Variants in ASPM observed in about 807,000 individuals in gnomAD.
The protein encoded by ASPM is assembly factor for spindle microtubules.
ASPM carries 256 observed loss-of-function variants against 366.4 expected under a neutral mutation model. The ratio of observed to expected loss-of-function variants is 0.70; its 90% CI spans 0.63 to 0.77. The LOEUF (loss-of-function observed/expected upper bound fraction) is 0.77. Among genes scored for constraint, ASPM ranks in the 30% least tolerant of loss-of-function variants. ASPM has a pLI of 0.00. For synonymous variants in ASPM, 1,414 were observed against 1,342.9 expected (o/e 1.05, Z -1.16); for missense variants, 4,146 against 4,090.4 (o/e 1.01, Z -0.37).
At chr1:197,093,992 A>G in intron 20 of ASPM, 92 bp downstream of exon 20, 1 of 874,046 alleles carries the variant, frequency 1.1e-6, no homozygotes. Flanking sequence ...CCAGCGAAGG[A>G]TTTATTTTTA....
chr1:197,096,205 CTCTT>C lies in ASPM; in HGVS notation c.8821-45_8821-42del, dbSNP rs765820587. On this transcript the variant is annotated intron_variant, in intron 18 of 27. Transcript: ENST00000367409. ...ATATAACAAGTATGCAATGAGTTGTCTCTTTTTTTTTGTAAATAAGACAAATCAG... is the reference window on the plus strand; with the variant it reads ...ATATAACAAGTATGCAATGAGTTGTCTTTTTTTGTAAATAAGACAAATCAG... The C allele has an allele frequency of 5.3e-6, 8 of 1,509,150 alleles. 1 individual carries two copies. The South Asian group carries it at 7.9e-5, about 15-fold the overall frequency. 93.5% of individuals were successfully genotyped at this position (1,509,150 alleles called of 1,614,324 possible).
At chr1:197,131,155 T>C (rs530121292) in intron 7 of ASPM, among the ~76,000 whole-genome samples, 1 of 152,320 alleles carries the variant, frequency 6.6e-6, no homozygotes, top group African/African-American at 2.4e-5. Flanking sequence ...AGTAAGCTTA[T>C]TATTTATTCT....
At chr1:197,114,951 G>A (rs544742102) in intron 17 of ASPM, among the ~76,000 whole-genome samples, 4 of 152,100 alleles carry the variant, frequency 2.6e-5, no homozygotes, top group East Asian at 1.9e-4. Flanking sequence ...GTTTCTCCAC[G>A]TTGGCCAGAC....
At chr1:197,121,503 G>A (rs1657904817) in intron 16 of ASPM, among the ~76,000 whole-genome samples, 1 of 152,074 alleles carries the variant, frequency 6.6e-6, no homozygotes, top group Admixed American at 6.6e-5. Flanking sequence ...TTGATGCTCA[G>A]GCCCAGGCAG....
Position 197,101,743 on chromosome 1 carries a change from C to A in ASPM, c.7508G>T (p.Trp2503Leu), listed in dbSNP as rs748030105. ...MYRTYITFQT[W>L]KHASILIQQH... ...CTGAATTAGAATTGAAGCATGTTTC[C>A]AAGTCTGAAATGTAATATATGTTCT... The change falls in exon 18 of 28, where the codon TGG becomes TTG. Residue 2503 changes from tryptophan (W) to leucine (L), a missense_variant. Physicochemically the swap from Trp to Leu is moderately conservative, Grantham distance 61. This residue lies in a region of ASPM where 3,624 missense variants were observed against 3,591.7 expected (regional missense o/e 1.01). Coordinates refer to ENST00000367409, the MANE Select transcript of ASPM (RefSeq NM_018136.5). 6.2e-7 allele frequency: 1 copy of A among 1,612,016 alleles called. No individual in the cohort carries two copies. The highest frequency in any genetic ancestry group is 1.3e-5 in the African/African-American group (1 of 74,712).
intron 3 of ASPM, among the ~76,000 whole-genome samples, chr1:197,140,771 G>A (rs998135545): frequency 6.6e-6 from 1 of 152,148 alleles, no homozygotes; most frequent in African/African-American, 2.4e-5. Flanking sequence ...TTACAAAGCA[G>A]TTATTACAAT....
chr1:197,101,977 C>T lies in ASPM; in HGVS notation c.7274G>A (p.Arg2425Lys). The change falls in exon 18 of 28, where the codon AGA becomes AAA. Residue 2425 changes from arginine to lysine, a missense_variant. Physicochemically the swap from Arg to Lys is conservative, Grantham distance 26 (BLOSUM62 2). This residue lies in a region of ASPM where 3,624 missense variants were observed against 3,591.7 expected (regional missense o/e 1.01). Transcript: ENST00000367409. Reference protein sequence around the residue: ...QSRFRSLLVRRRFISLKKATI... With the variant: ...QSRFRSLLVRKRFISLKKATI... ...AGCTTTTTTGAGGGAAATGAATCTT[C>T]TCCTCACCAGTAATGATCTAAACCT... The T allele has an allele frequency of 6.2e-7, 1 of 1,612,720 alleles. No homozygotes were observed. Among genetic ancestry groups the T allele is most frequent in the South Asian group, 1.1e-5 (1 of 91,030 alleles).
rs1312207326 is a variant in ASPM, at chr1:197,129,908, T to C, written c.2629+7A>G. The C allele has an allele frequency of 1.2e-6, 2 of 1,611,782 alleles. No homozygotes were observed. The highest frequency in any genetic ancestry group is 1.1e-5 in the South Asian group (1 of 91,058). On this transcript the variant is annotated splice_region_variant and intron_variant, in intron 8 of 27. Transcript: ENST00000367409. Reference sequence around the variant, plus strand: ...GGAGAGAATGTAGGAGAGGCAGAGATACTTACCATCTCTATACAGGTGAGG... The same window carrying C: ...GGAGAGAATGTAGGAGAGGCAGAGACACTTACCATCTCTATACAGGTGAGG...
intron 27 of ASPM, among the ~76,000 whole-genome samples, chr1:197,084,957 C>A (rs1456561925): frequency 6.6e-6 from 1 of 152,148 alleles, no homozygotes; most frequent in Non-Finnish European, 1.5e-5. Flanking sequence ...TATGCTCTAA[C>A]ACAGTCATTG....
chr1:197,085,672 C>G (rs1266026747), intron 27 of ASPM, among the ~76,000 whole-genome samples: 1 of 152,016 alleles, frequency 6.6e-6, no homozygotes, highest in Non-Finnish European at 1.5e-5. Flanking sequence ...CTATATGATT[C>G]CATATATGTG....
intron 16 of ASPM, among the ~76,000 whole-genome samples, chr1:197,121,680 C>T (rs1657907775): frequency 6.6e-6 from 1 of 152,078 alleles, no homozygotes; most frequent in Admixed American, 6.6e-5. Context: ...TCCTCTTCCC[C>T]TGGAACAGAC....
In ASPM at chr1:197,104,639, G is replaced by A. The variant is rs751326753; in HGVS notation, c.4612C>T (p.Arg1538Ter). The change falls in exon 18 of 28, where the codon CGA (arginine) becomes TGA (stop). Residue 1538 changes from arginine (R) to a stop codon, truncating the protein, a stop_gained. Coordinates refer to ENST00000367409, the MANE Select transcript of ASPM (RefSeq NM_018136.5). LOFTEE classifies it high-confidence loss of function. ...KIERTNYLQK[R>*]AAAIQLQAAF... ...GCTTGTAATTGAATGGCTGCAGCTCGTTTCTGCAAATAGTTGGTGCGCTCA... is the reference window on the plus strand; with the variant it reads ...GCTTGTAATTGAATGGCTGCAGCTCATTTCTGCAAATAGTTGGTGCGCTCA... The A allele has an allele frequency of 5.0e-6, 8 of 1,612,814 alleles. No homozygotes were observed. Among genetic ancestry groups the A allele is most frequent in the East Asian group, 2.2e-5 (1 of 44,822 alleles).
At position 197,102,434 on chromosome 1, in the gene ASPM, A is replaced by G. The variant is rs1657224996; in HGVS notation, c.6817T>C (p.Phe2273Leu). ...CTTCTTCTCATCATTAGAGTTCTAA[A>G]TCTCCTCTGAATGAGAGTTGCGGCT... ...HIAATLIQRR[F>L]RTLMMRRRFL... Residue 2273 changes from phenylalanine to leucine, a missense_variant, in exon 18 of 28, where the codon TTT becomes CTT. By Grantham distance (22) the Phe-to-Leu change is conservative. Transcript: ENST00000367409. 1 of 1,612,574 alleles carries G rather than the reference A, an allele frequency of 6.2e-7. No individual in the cohort carries two copies.
rs528867695 is a variant in ASPM, at chr1:197,136,645, G to C, written c.2027-1403C>G. On this transcript the variant is annotated intron_variant, in intron 4 of 27. Coordinates refer to ENST00000367409, the MANE Select transcript of ASPM (RefSeq NM_018136.5). ...AAATATACATAGAATATACACAAAA[G>C]GAAATGAGAATAGAAACAAAACTTG... Among the ~76,000 whole-genome samples, 39 of 151,760 alleles carry C rather than the reference G, an allele frequency of 2.6e-4. No individual in the cohort carries two copies. In the South Asian group the frequency reaches 7.9e-3, roughly 31 times the overall value.
Position 197,143,535 on chromosome 1 carries a change from G to T in ASPM, c.717C>A (p.Leu239=). Residue 239 remains leucine, a synonymous_variant, in exon 3 of 28, where the codon CTC becomes CTA. Transcript: ENST00000367409. ...AGTAGGTAGTAGATCGACGTACAGA[G>T]AGTGGCAAGCAAGTTGCACCATGGC... ...NECHGATCLP[L]SVRRSTTYSS... 6.2e-7 allele frequency: 1 copy of T among 1,613,900 alleles called. No homozygotes were observed. Among genetic ancestry groups the T allele is most frequent in the Non-Finnish European group, 8.5e-7 (1 of 1,179,936 alleles).
intron 12 of ASPM, 21 bp downstream of exon 12, chr1:197,124,849 G>C: frequency 6.5e-7 from 1 of 1,540,794 alleles, no homozygotes; most frequent in Non-Finnish European, 9.0e-7. Context: ...AAAAATACAA[G>C]ATGTACCAAA....
At position 197,142,888 on chromosome 1, in the gene ASPM, A is replaced by G. The variant is rs1446922157; in HGVS notation, c.1364T>C (p.Val455Ala). 1 of 1,613,452 alleles carries G rather than the reference A, an allele frequency of 6.2e-7. No individual in the cohort carries two copies. Among genetic ancestry groups the G allele is most frequent in the Non-Finnish European group, 8.5e-7 (1 of 1,179,522 alleles). Residue 455 changes from valine (V) to alanine (A), a missense_variant, in exon 3 of 28, where the codon GTA becomes GCA. Around this residue, in one of 3 missense-constraint regions of ASPM, gnomAD observed 3,624 missense variants for 3,591.7 expected, o/e 1.01. Transcript: ENST00000367409. ...KSPKAIFEELVEMKSNYYSFI... is the reference protein window; with the variant it reads ...KSPKAIFEELAEMKSNYYSFI... ...ACTGTAGTAATTTGACTTCATTTCT[A>G]CTAGTTCTTCAAAAATAGCTTTGGG... is the stretch of plus-strand genomic sequence containing the variant.
intron 4 of ASPM, chr1:197,139,148 C>T: frequency 1.1e-6 from 1 of 913,776 alleles, no homozygotes; most frequent in Non-Finnish European, 1.8e-6. Flanking sequence ...TTAGATTTTC[C>T]ACATTGGTAC....
chr1:197,090,129 A>G, intron 24 of ASPM, 45 bp from the exon 25 acceptor site: 1 of 1,612,996 alleles, frequency 6.2e-7, no homozygotes, highest in Non-Finnish European at 8.5e-7. Flanking sequence ...ATTTACAGCA[A>G]CAAAATGAAG....
Sources: allele counts gnomAD v4.1 joint callset (sites outside exome capture counted in the v4.1 genomes callset), GRCh38; gene constraint gnomAD v4.1.1; regional missense constraint gnomAD v4.1.1; transcripts MANE v1.5; gene names NCBI Gene and HGNC (gene_info 2026-07-23, HGNC 2026-07-21).